The following ANKRD6 variants were observed in gnomAD, a reference collection of about 807,000 sequenced individuals.
ANKRD6 encodes the protein ankyrin repeat domain-containing protein 6.
A neutral mutation model predicts 82.3 loss-of-function variants in ANKRD6; 56 were observed. The observed-to-expected ratio is 0.68, with a 90% CI of 0.55 to 0.85. The LOEUF is 0.85. ANKRD6 is among the 40% of genes least tolerant of loss of function. ANKRD6 has a pLI of 0.00. For missense variants in ANKRD6, 852 were observed against 907.6 expected (o/e 0.94, Z 0.79); for synonymous variants, 347 against 352.1 (o/e 0.99, Z 0.16).
chr6:89,473,000 C>A (rs993271315), intron 1 of ANKRD6, among the ~76,000 whole-genome samples: 5 of 152,240 alleles, frequency 3.3e-5, no homozygotes, highest in Admixed American at 1.3e-4. Flanking sequence ...AATCTCGCAT[C>A]CCAAATTTCA....
At chr6:89,622,052 C>T in intron 10 of ANKRD6, 26 bp downstream of exon 10, 1 of 1,600,316 alleles carries the variant, frequency 6.2e-7, no homozygotes, top group Non-Finnish European at 8.5e-7. Flanking sequence ...CCCGCCGTCC[C>T]CACATCCACC....
intron 2 of ANKRD6, among the ~76,000 whole-genome samples, chr6:89,586,497 G>C (rs1793713852): frequency 6.6e-6 from 1 of 152,134 alleles, no homozygotes; most frequent in Non-Finnish European, 1.5e-5. Flanking sequence ...GACCAGCCTG[G>C]CCAACATGGT....
intron 2 of ANKRD6, among the ~76,000 whole-genome samples, chr6:89,579,709 A>G (rs1227411287): frequency 1.5e-5 from 2 of 133,362 alleles, no homozygotes; most frequent in African/African-American, 5.6e-5. Flanking sequence ...GTAATCCAAG[A>G]TAGTGCCACT....
At chr6:89,605,264 TC>T (rs1464951594) in intron 4 of ANKRD6, among the ~76,000 whole-genome samples, 1 of 152,010 alleles carries the variant, frequency 6.6e-6, no homozygotes, top group African/African-American at 2.4e-5. Context: ...TGTCTGTAAT[TC>T]CAGCTACTTG....
chr6:89,601,993 TAGAATCCA>T (rs561274716), intron 3 of ANKRD6: 35 of 152,174 alleles, frequency 2.3e-4, no homozygotes, highest in Admixed American at 1.3e-3. Flanking sequence ...AGCCACATCA[TAGAATCCA>T]AGAAGGCAAT....
chr6:89,503,952 G>A (rs1006898860), intron 1 of ANKRD6, among the ~76,000 whole-genome samples: 2 of 152,084 alleles, frequency 1.3e-5, no homozygotes, highest in Admixed American at 6.5e-5. Context: ...AATCAGAGAG[G>A]TAAGTGGGGA....
At chr6:89,518,127 G>A (rs1304168092) in intron 1 of ANKRD6, among the ~76,000 whole-genome samples, 4 of 152,214 alleles carry the variant, frequency 2.6e-5, no homozygotes, top group Non-Finnish European at 1.5e-5. Context: ...TTATGGCCGG[G>A]CGTGGTGGCT....
At chr6:89,626,268 G>A (rs151138110) in intron 13 of ANKRD6, among the ~76,000 whole-genome samples, 2,832 of 152,274 alleles carry the variant, frequency 0.019, 54 homozygotes, top group Non-Finnish European at 0.024. Flanking sequence ...AGAGATGAAT[G>A]TTGGGATACC....
chr6:89,507,639 T>C (rs1200070571), intron 1 of ANKRD6, among the ~76,000 whole-genome samples: 3 of 152,212 alleles, frequency 2.0e-5, no homozygotes, highest in African/African-American at 4.8e-5. Flanking sequence ...TTTGATATTA[T>C]GGTAATTCCT....
intron 1 of ANKRD6, among the ~76,000 whole-genome samples, chr6:89,515,406 T>G (rs1406685618): frequency 6.6e-6 from 1 of 152,248 alleles, no homozygotes; most frequent in African/African-American, 2.4e-5. Flanking sequence ...CTTAGGTTCT[T>G]GCAAGGACTT....
intron 1 of ANKRD6, among the ~76,000 whole-genome samples, chr6:89,449,029 C>CAAAAAAA (rs368751340): frequency 7.6e-5 from 4 of 52,406 alleles, no homozygotes; most frequent in Non-Finnish European, 8.5e-5. Context: ...GACTCCGTCT[C>CAAAAAAA]AAAAAAAAAA....
chr6:89,619,806 A>T (rs1055097229), intron 9 of ANKRD6: 6 of 152,326 alleles, frequency 3.9e-5, no homozygotes, highest in Admixed American at 3.9e-4. Context: ...TTAGGCCCGT[A>T]GTTGGACGTG....
At chr6:89,610,671 A>G (rs1294773877) in intron 5 of ANKRD6, among the ~76,000 whole-genome samples, 2 of 152,076 alleles carry the variant, frequency 1.3e-5, no homozygotes, top group Non-Finnish European at 2.9e-5. Context: ...AGACAACTTG[A>G]GAGTAGTGTT....
rs1412292432 is a variant in ANKRD6, at chr6:89,612,370, T to C, written c.516T>C (p.Asn172=). 5.2e-6 allele frequency: 8 copies of C among 1,550,762 alleles called. No homozygotes were observed. The highest frequency in any genetic ancestry group is 1.4e-5 in the African/African-American group (1 of 73,290). The change falls in exon 6 of 16, where the codon AAT becomes AAC. Residue 172 remains asparagine (N), a splice_region_variant and synonymous_variant. Transcript: ENST00000339746. ...GGTCCCGCGCTGACCTCAAAAATAA[T>C]GTGGGTGAACAAAACCAGATTCTCA... ...LAGSRADLKN[N]AGDTCLHVAA... is the part of the protein sequence containing the mutation.
intron 1 of ANKRD6, among the ~76,000 whole-genome samples, chr6:89,443,877 G>A (rs373966853): frequency 6.6e-6 from 1 of 152,232 alleles, no homozygotes; most frequent in East Asian, 1.9e-4. Flanking sequence ...CAGTAAGCTT[G>A]TCGTATAAAT....
chr6:89,488,402 A>C (rs1343232310), intron 1 of ANKRD6, among the ~76,000 whole-genome samples: 1 of 152,166 alleles, frequency 6.6e-6, no homozygotes, highest in Non-Finnish European at 1.5e-5. Context: ...GTGGGCTGTG[A>C]TTGTACCACT....
At chr6:89,563,172 T>G (rs1035193245) in intron 1 of ANKRD6, among the ~76,000 whole-genome samples, 1 of 152,128 alleles carries the variant, frequency 6.6e-6, no homozygotes, top group African/African-American at 2.4e-5. Context: ...AAGCAAACCT[T>G]ATAGACCTTT....
Position 89,483,395 on chromosome 6 carries a change from A to G in ANKRD6, c.-144+50020A>G, listed in dbSNP as rs370548055. ...GGTGGAGAATCTGCTGGGGTGGAGG[A>G]TTGGAAGAGTTTTGGTTTGGCCATT... On this transcript the variant is annotated intron_variant, in intron 1 of 15. Coordinates refer to ENST00000339746, the MANE Select transcript of ANKRD6 (RefSeq NM_001242809.2). 9.2e-5 allele frequency: 14 copies of G among 152,590 alleles called. No individual in the cohort carries two copies. In the East Asian group the frequency reaches 2.5e-3, roughly 27 times the overall value. 9.5% of individuals were successfully genotyped at this position (152,590 alleles called of 1,614,324 possible).
At chr6:89,599,529 C>T (rs1279624933) in intron 3 of ANKRD6, among the ~76,000 whole-genome samples, 1 of 152,176 alleles carries the variant, frequency 6.6e-6, no homozygotes, top group Non-Finnish European at 1.5e-5. Flanking sequence ...ATTGAGGCCA[C>T]ATCTTGTTTC....
Sources: allele counts gnomAD v4.1 joint callset (sites outside exome capture counted in the v4.1 genomes callset), GRCh38; gene constraint gnomAD v4.1.1; transcripts MANE v1.5; gene names NCBI Gene and HGNC (gene_info 2026-07-23, HGNC 2026-07-21).